Variants in PXT1 observed in about 807,000 individuals in gnomAD.
The protein encoded by PXT1 is peroxisomal testis enriched protein 1.
A neutral mutation model predicts 11.0 loss-of-function variants in PXT1; 11 were observed. The observed-to-expected ratio is 1.00, with a 90% confidence interval of 0.63 to 1.66. The LOEUF (loss-of-function observed/expected upper bound fraction) is 1.66, where lower values mean the gene tolerates loss of function less well. Ranked by LOEUF, PXT1 falls within the 40% of genes most tolerant of loss-of-function variation. PXT1 has a pLI of 0.00. For synonymous variants in PXT1, 43 were observed against 51.4 expected (o/e 0.84, Z 0.70); for missense variants, 141 against 155.5 (o/e 0.91, Z 0.49).
chr6:36,428,947 CG>C (rs1774648831), intron 2 of PXT1, among the ~76,000 whole-genome samples: 1 of 151,836 alleles, frequency 6.6e-6, no homozygotes, highest in Admixed American at 6.6e-5. Context: ...TGAGCCACCG[CG>C]CACAGCCTAA....
At chr6:36,409,121 A>G (rs538138264) in intron 3 of PXT1, among the ~76,000 whole-genome samples, 1 of 152,268 alleles carries the variant, frequency 6.6e-6, no homozygotes. Context: ...GATTTTGTTC[A>G]CTAAAAATAG....
intron 2 of PXT1, among the ~76,000 whole-genome samples, chr6:36,428,401 C>T (rs148458785): frequency 3.6e-3 from 375 of 103,212 alleles, no homozygotes; most frequent in African/African-American, 0.011. Flanking sequence ...GCCGAGATCG[C>T]GACAGAGCGA....
rs1407558 is a variant in PXT1, at chr6:36,435,189, C to T, written c.-10+3578G>A. ...GTGTGATGGCTCATGTCTTTAATCCCAGCATTTGGGAGGCTGAGGAGGGAA... is the reference window on the plus strand; with the variant it reads ...GTGTGATGGCTCATGTCTTTAATCCTAGCATTTGGGAGGCTGAGGAGGGAA... On this transcript the variant is annotated intron_variant, in intron 2 of 4. Coordinates refer to ENST00000454782, the MANE Select transcript of PXT1 (RefSeq NM_152990.4). Among the ~76,000 whole-genome samples, 1,308 of 152,226 alleles carry T rather than the reference C, an allele frequency of 8.6e-3. 21 individuals are homozygous for T. Among genetic ancestry groups the T allele is most frequent in the African/African-American group, 0.03 (1,253 of 41,528 alleles).
chr6:36,438,579 C>T (rs1373613925), intron 2 of PXT1, among the ~76,000 whole-genome samples, 188 bp downstream of exon 2: 2 of 152,068 alleles, frequency 1.3e-5, no homozygotes, highest in African/African-American at 2.4e-5. Flanking sequence ...CCTGCCACCA[C>T]GCCCGGCTAA....
intron 3 of PXT1, among the ~76,000 whole-genome samples, chr6:36,406,810 CAAAAA>C (rs5875547): frequency 7.6e-6 from 1 of 131,882 alleles, no homozygotes. Flanking sequence ...GACTCCATTT[CAAAAA>C]AAAAAAAAAA....
chr6:36,429,502 TC>T (rs1475906179), intron 2 of PXT1, among the ~76,000 whole-genome samples: 16 of 116,474 alleles, frequency 1.4e-4, no homozygotes, highest in Non-Finnish European at 1.8e-4. Flanking sequence ...TTTCTTTTTT[TC>T]TTTTCTTTTT....
At chr6:36,395,756 T>C (rs893827393) in intron 4 of PXT1, among the ~76,000 whole-genome samples, 2 of 152,056 alleles carry the variant, frequency 1.3e-5, no homozygotes, top group Non-Finnish European at 2.9e-5. Flanking sequence ...TCCTAGCACT[T>C]TGGGAGGCCG....
intron 2 of PXT1, 118 bp from the exon 3 acceptor site, chr6:36,426,209 T>C: frequency 3.0e-6 from 2 of 662,430 alleles, no homozygotes; most frequent in Non-Finnish European, 4.9e-6. Flanking sequence ...ATAAGAGAGT[T>C]ATGGATTGGG....
At chr6:36,434,118 A>T in intron 2 of PXT1, among the ~76,000 whole-genome samples, 1 of 150,930 alleles carries the variant, frequency 6.6e-6, no homozygotes, top group Non-Finnish European at 1.5e-5. Context: ...GTGAGCTATG[A>T]TCATGCCAGT....
chr6:36,423,535 C>T (rs893106548), intron 3 of PXT1, among the ~76,000 whole-genome samples: 30 of 152,224 alleles, frequency 2.0e-4, no homozygotes, highest in Admixed American at 2.0e-3. Flanking sequence ...CTGGCGGGAG[C>T]GGGAGTTAGG....
At chr6:36,418,433 A>C (rs1473343411) in intron 3 of PXT1, among the ~76,000 whole-genome samples, 1 of 152,174 alleles carries the variant, frequency 6.6e-6, no homozygotes. Flanking sequence ...TCATTCATTT[A>C]TTCATTCATT....
At position 36,390,634 on chromosome 6, in the gene PXT1, C is replaced by G. The variant is rs2127408161; in HGVS notation, c.*1136G>C. 1 of 152,258 alleles carries G rather than the reference C, an allele frequency of 6.6e-6. No individual in the cohort carries two copies. The highest frequency in any genetic ancestry group is 1.5e-5 in the Non-Finnish European group (1 of 68,022). The allele number at this position is 152,258 out of a possible 1,614,324, so 9.4% of individuals were successfully genotyped here. A position where few individuals can be genotyped will look rare whatever the true frequency, so the allele number is the denominator to read the frequency against. On this transcript the variant is annotated 3_prime_UTR_variant, in exon 5 of 5. Coordinates refer to ENST00000454782, the MANE Select transcript of PXT1 (RefSeq NM_152990.4). Reference sequence around the variant, plus strand: ...CTTCCCCTATGAAGAACTCAAGATACATATGTAAACTTTTAATTTATAACA... The same window carrying G: ...CTTCCCCTATGAAGAACTCAAGATAGATATGTAAACTTTTAATTTATAACA...
chr6:36,420,213 A>G (rs980359646), intron 3 of PXT1, among the ~76,000 whole-genome samples: 10 of 152,210 alleles, frequency 6.6e-5, no homozygotes, highest in Admixed American at 2.0e-4. Flanking sequence ...TTACAAACAG[A>G]AATATGTTTA....
At chr6:36,422,063 AAC>A (rs1159485500) in intron 3 of PXT1, among the ~76,000 whole-genome samples, 9 of 151,996 alleles carry the variant, frequency 5.9e-5, no homozygotes, top group Admixed American at 3.3e-4. Flanking sequence ...TATACAAAAC[AAC>A]AGAGATAATG....
At chr6:36,410,522 G>A (rs1340722102) in intron 3 of PXT1, among the ~76,000 whole-genome samples, 1 of 150,956 alleles carries the variant, frequency 6.6e-6, no homozygotes, top group Non-Finnish European at 1.5e-5. Context: ...GAGAGAGAAA[G>A]AGAAGGGAGA....
chr6:36,420,414 CAAGT>C (rs1774507647), intron 3 of PXT1, among the ~76,000 whole-genome samples: 1 of 152,136 alleles, frequency 6.6e-6, no homozygotes, highest in South Asian at 2.1e-4. Context: ...AGTGACAAAG[CAAGT>C]AAGAATCATG....
intron 4 of PXT1, among the ~76,000 whole-genome samples, chr6:36,396,678 A>G (rs1025429702): frequency 1.3e-5 from 2 of 152,200 alleles, no homozygotes; most frequent in Non-Finnish European, 2.9e-5. Flanking sequence ...ATGGCCACCC[A>G]TCGACCAATC....
At chr6:36,434,450 T>G (rs1774735118) in intron 2 of PXT1, among the ~76,000 whole-genome samples, 1 of 152,204 alleles carries the variant, frequency 6.6e-6, no homozygotes, top group African/African-American at 2.4e-5. Flanking sequence ...TAATAAAATT[T>G]TATGTTAATG....
chr6:36,400,056 A>G (rs964714682), intron 4 of PXT1, among the ~76,000 whole-genome samples: 2 of 152,202 alleles, frequency 1.3e-5, no homozygotes, highest in Non-Finnish European at 2.9e-5. Flanking sequence ...TTTAAAACTC[A>G]ACAGGTGATT....
Sources: allele counts gnomAD v4.1 joint callset (sites outside exome capture counted in the v4.1 genomes callset), GRCh38; gene constraint gnomAD v4.1.1; transcripts MANE v1.5; gene names NCBI Gene and HGNC (gene_info 2026-07-23, HGNC 2026-07-21).